The following PPARG variants were observed in gnomAD, a reference collection of about 807,000 sequenced individuals.
PPARG encodes peroxisome proliferator-activated receptor gamma.
A neutral mutation model predicts 39.2 loss-of-function variants in PPARG; 17 were observed. That is an observed-to-expected ratio of 0.43 (90% confidence interval 0.30 to 0.65). The LOEUF is 0.65. Among genes scored for constraint, PPARG ranks in the 30% least tolerant of loss-of-function variants. The pLI is 0.13. For synonymous variants in PPARG, 223 were observed against 215.7 expected, an observed-to-expected ratio of 1.03 and a Z score of -0.30; for missense variants, 406 against 585.9, an observed-to-expected ratio of 0.69 and a Z score of 3.17.
At position 12,345,777 on chromosome 3, in the gene PPARG, A is replaced by C. The variant is rs537487694; in HGVS notation, c.-9+33324A>C. 5.3e-5 allele frequency among the ~76,000 whole-genome samples: 8 copies of C among 152,348 alleles called. No individual in the cohort carries two copies. The South Asian group carries it at 1.7e-3, about 32-fold the overall frequency. ...AGTGACACCAGCTGAAACTGAGTGC[A>C]GCTCCGCGGCTCTACGCTTGCTGTA... On this transcript the variant is annotated intron_variant, in intron 2 of 7. Coordinates refer to ENST00000651735, the MANE Select transcript of PPARG (RefSeq NM_138711.6).
chr3:12,393,190 A>ATTTTT (rs143287325), intron 5 of PPARG, among the ~76,000 whole-genome samples: 4 of 111,504 alleles, frequency 3.6e-5, no homozygotes, highest in Non-Finnish European at 5.4e-5. Flanking sequence ...GATTCATTTA[A>ATTTTT]TTTTTTTTTT....
Position 12,392,880 on chromosome 3 carries a change from G to A in PPARG, c.529+128G>A. On this transcript the variant is annotated intron_variant, in intron 5 of 7. Transcript: ENST00000651735. ...AATGCCAGAATTTAGAATATTGCAT[G>A]GCGATAAAACATTTCTCTTTTAGGT... 3.4e-6 allele frequency: 4 copies of A among 1,174,310 alleles called. No homozygotes were observed. The South Asian group carries it at 3.9e-5, about 11-fold the overall frequency. 72.7% of individuals were successfully genotyped at this position (1,174,310 alleles called of 1,614,324 possible).
intron 1 of PPARG, among the ~76,000 whole-genome samples, chr3:12,302,800 G>A (rs914914842): frequency 2.0e-5 from 3 of 152,172 alleles, no homozygotes; most frequent in African/African-American, 7.2e-5. Flanking sequence ...AGAGGGGTGA[G>A]ATGATTGAAT....
chr3:12,360,589 A>AC (rs1553640379), intron 2 of PPARG, among the ~76,000 whole-genome samples: 3 of 151,338 alleles, frequency 2.0e-5, no homozygotes, highest in Non-Finnish European at 4.4e-5. Flanking sequence ...AAAAAAAAAA[A>AC]CAGAACAATA....
At chr3:12,411,690 T>G (rs2050884003) in intron 6 of PPARG, among the ~76,000 whole-genome samples, 1 of 152,160 alleles carries the variant, frequency 6.6e-6, no homozygotes, top group Non-Finnish European at 1.5e-5. Context: ...TATCCATTAG[T>G]CAGAGAATGA....
intron 2 of PPARG, among the ~76,000 whole-genome samples, chr3:12,367,685 CA>C (rs1021327577): frequency 1.1e-3 from 137 of 121,546 alleles, no homozygotes; most frequent in Middle Eastern, 4.3e-3. Context: ...CTTGCCTCTA[CA>C]AAAAAAAAAA....
At chr3:12,288,410 TCCAGGAC>T (rs2046563297), upstream of PPARG, among the ~76,000 whole-genome samples, 2 of 151,516 alleles carry the variant, frequency 1.3e-5, no homozygotes. Flanking sequence ...CGTCCCGGCT[TCCAGGAC>T]AGCCCCCCTC....
At chr3:12,336,874 TC>T (rs373494474) in intron 2 of PPARG, among the ~76,000 whole-genome samples, 8 of 152,180 alleles carry the variant, frequency 5.3e-5, no homozygotes, top group African/African-American at 1.9e-4. Context: ...GGGCTGAGCT[TC>T]TTGTGGACAT....
intron 5 of PPARG, chr3:12,399,471 C>T: frequency 2.2e-6 from 1 of 446,680 alleles, no homozygotes; most frequent in Non-Finnish European, 4.5e-6. Flanking sequence ...CCTGTGGTCC[C>T]AGCTACTCAG....
intron 1 of PPARG, among the ~76,000 whole-genome samples, chr3:12,300,860 A>C (rs762029664): frequency 6.6e-6 from 1 of 152,158 alleles, no homozygotes; most frequent in African/African-American, 2.4e-5. Flanking sequence ...TGTGCACTGT[A>C]TACCTTCCCT....
intron 2 of PPARG, among the ~76,000 whole-genome samples, chr3:12,333,326 A>G (rs1433885734): frequency 6.6e-6 from 1 of 152,208 alleles, no homozygotes; most frequent in Non-Finnish European, 1.5e-5. Flanking sequence ...AGGAGGTTAA[A>G]TAGCTTTGCC....
intron 4 of PPARG, among the ~76,000 whole-genome samples, chr3:12,384,102 A>G (rs1169752724): frequency 6.6e-6 from 1 of 151,814 alleles, no homozygotes; most frequent in Non-Finnish European, 1.5e-5. Context: ...TCCCTTGGAA[A>G]GGGAAAATAG....
intron 1 of PPARG, among the ~76,000 whole-genome samples, chr3:12,299,962 C>T (rs1242703635): frequency 1.3e-5 from 2 of 152,104 alleles, no homozygotes; most frequent in African/African-American, 4.8e-5. Context: ...TGTCTGTATT[C>T]ACAAACTGTT....
chr3:12,425,695 C>T (rs1383679126), intron 7 of PPARG, among the ~76,000 whole-genome samples: 1 of 152,100 alleles, frequency 6.6e-6, no homozygotes, highest in African/African-American at 2.4e-5. Flanking sequence ...CAGAAATGTA[C>T]GTACATCACT....
intron 5 of PPARG, among the ~76,000 whole-genome samples, chr3:12,401,491 G>A (rs1173983003): frequency 6.6e-6 from 1 of 152,036 alleles, no homozygotes; most frequent in Admixed American, 6.6e-5. Context: ...AACACTTCCT[G>A]TGCCTCCTCT....
chr3:12,347,266 C>T (rs1043657142), intron 2 of PPARG, among the ~76,000 whole-genome samples: 1 of 151,852 alleles, frequency 6.6e-6, no homozygotes, highest in Non-Finnish European at 1.5e-5. Context: ...AGGGGGGTCA[C>T]TTGAGCCCAG....
chr3:12,422,819 C>T (rs2051309108), intron 7 of PPARG, among the ~76,000 whole-genome samples: 1 of 151,354 alleles, frequency 6.6e-6, no homozygotes, highest in African/African-American at 2.4e-5. Context: ...GAATTTGAGG[C>T]TCCAGTGAGC....
chr3:12,331,924 A>G (rs67100517), intron 2 of PPARG, among the ~76,000 whole-genome samples: 2 of 151,978 alleles, frequency 1.3e-5, no homozygotes, highest in East Asian at 3.8e-4. Flanking sequence ...AGATATTTCA[A>G]TGGAGTTACC....
At chr3:12,384,374 T>C (rs370181444) in intron 4 of PPARG, among the ~76,000 whole-genome samples, 10 of 152,116 alleles carry the variant, frequency 6.6e-5, no homozygotes, top group African/African-American at 1.4e-4. Flanking sequence ...CGTAAAGATA[T>C]AGAACAGCAG....
Sources: allele counts gnomAD v4.1 joint callset (sites outside exome capture counted in the v4.1 genomes callset), GRCh38; gene constraint gnomAD v4.1.1; transcripts MANE v1.5; gene names NCBI Gene and HGNC (gene_info 2026-07-23, HGNC 2026-07-21).